The following GSTO2 variants were observed in gnomAD, a reference collection of about 807,000 sequenced individuals.
GSTO2 encodes glutathione S-transferase omega-2.
In GSTO2, 23 loss-of-function variants were observed where a neutral mutation model predicts 28.4. The ratio of observed to expected loss-of-function variants is 0.81; its 90% CI spans 0.58 to 1.15. The LOEUF is 1.15. Among genes scored for constraint, GSTO2 ranks in the 50% most tolerant of loss-of-function variants. The probability of loss-of-function intolerance (pLI) is 0.00; values close to 1 mark genes in which losing one functional copy is unlikely to be tolerated. For missense variants in GSTO2, 298 were observed against 297.8 expected (o/e 1.00, Z 0.00); for synonymous variants, 109 against 111.0 (o/e 0.98, Z 0.11).
chr10:104,290,358 T>C (rs2012702496), intron 5 of GSTO2, among the ~76,000 whole-genome samples: 1 of 151,716 alleles, frequency 6.6e-6, no homozygotes, highest in South Asian at 2.1e-4. Context: ...ATACAAAAAT[T>C]AGCTGGCATG....
At chr10:104,297,374 G>A (rs1033088360) in intron 5 of GSTO2, 4 of 431,838 alleles carry the variant, frequency 9.3e-6, no homozygotes, top group African/African-American at 2.0e-5. Flanking sequence ...AGGAGGGAAG[G>A]GACAGAGGTG....
chr10:104,272,219 T>C (rs2011438224), intron 1 of GSTO2, among the ~76,000 whole-genome samples: 1 of 132,254 alleles, frequency 7.6e-6, no homozygotes, highest in South Asian at 2.1e-4. Flanking sequence ...AATCTAAAAC[T>C]TTTTTTTAAA....
At position 104,289,250 on chromosome 10, in the gene GSTO2, A is replaced by G. The variant is rs137899729; in HGVS notation, c.469-8328A>G. ...AGTGTCTAGGACTACAGGCACCACTATGCCTGGCTAATTTTGTGTATTTTT... is the reference window on the plus strand; with the variant it reads ...AGTGTCTAGGACTACAGGCACCACTGTGCCTGGCTAATTTTGTGTATTTTT... On this transcript the variant is annotated intron_variant, in intron 5 of 6. Coordinates refer to ENST00000338595, the MANE Select transcript of GSTO2 (RefSeq NM_183239.2). 4.7e-3 allele frequency among the ~76,000 whole-genome samples: 721 copies of G among 152,038 alleles called. 7 individuals are homozygous for G. The highest frequency in any genetic ancestry group is 0.017 in the African/African-American group (693 of 41,464).
chr10:104,275,220 C>G lies in GSTO2; in HGVS notation c.35-6C>G, dbSNP rs750159791. Reference sequence around the variant, plus strand: ...TTCCCTGTCCCCCTCCATCGCTGCTCTGCAGGAAGCCAGCCCCCAGGGCCA... The same window carrying G: ...TTCCCTGTCCCCCTCCATCGCTGCTGTGCAGGAAGCCAGCCCCCAGGGCCA... On this transcript the variant is annotated splice_region_variant and splice_polypyrimidine_tract_variant and intron_variant, in intron 2 of 6. Coordinates refer to ENST00000338595, the MANE Select transcript of GSTO2 (RefSeq NM_183239.2). The G allele has an allele frequency of 4.3e-6, 7 of 1,611,522 alleles. No individual in the cohort carries two copies. The East Asian group carries it at 6.7e-5, about 15-fold the overall frequency.
rs1238226894 is a variant in GSTO2 at position 104,303,090 on chromosome 10, T to A, written c.*3806T>A. 2 of 152,228 alleles carry A rather than the reference T, an allele frequency of 1.3e-5. No individual in the cohort carries two copies. The highest frequency in any genetic ancestry group is 4.8e-5 in the African/African-American group (2 of 41,454). 9.4% of individuals were successfully genotyped at this position (152,228 alleles called of 1,614,324 possible). A position where few individuals can be genotyped will look rare whatever the true frequency, so the allele number is the denominator to read the frequency against. On this transcript the variant is annotated 3_prime_UTR_variant, in exon 7 of 7. Coordinates refer to ENST00000338595, the MANE Select transcript of GSTO2 (RefSeq NM_183239.2). ...AGTATCCATTAGTTATTTTTCCTGA[T>A]CCTCTCCCTCCTCCCACCCTGCACC...
intron 5 of GSTO2, among the ~76,000 whole-genome samples, chr10:104,293,022 A>G (rs999740150): frequency 6.6e-6 from 1 of 152,256 alleles, no homozygotes; most frequent in African/African-American, 2.4e-5. Context: ...AGAAAGAACT[A>G]TTTTAGTAAA....
intron 5 of GSTO2, among the ~76,000 whole-genome samples, chr10:104,288,890 A>G (rs892319972): frequency 4.6e-5 from 7 of 152,224 alleles, no homozygotes; most frequent in African/African-American, 1.7e-4. Flanking sequence ...ATTTGAAAGT[A>G]TTGTGCTATA....
intron 5 of GSTO2, among the ~76,000 whole-genome samples, chr10:104,280,403 G>A (rs939245801): frequency 2.6e-5 from 4 of 152,078 alleles, no homozygotes; most frequent in African/African-American, 9.7e-5. Flanking sequence ...AATGGCAAAT[G>A]GTCATACCCC....
rs1333189997 is a variant in GSTO2, at chr10:104,302,518, C to G, written c.*3234C>G. The G allele has an allele frequency of 6.6e-6, 1 of 152,368 alleles. No homozygotes were observed. The highest frequency in any genetic ancestry group is 1.5e-5 in the Non-Finnish European group (1 of 68,066). The allele number at this position is 152,368 out of a possible 1,614,324, so 9.4% of individuals were successfully genotyped here. ...GAGGAGGGAGCATGATGGGGCAGGG[C>G]TTGTGTGGCTGGGACAGCTGGCTAT... On this transcript the variant is annotated 3_prime_UTR_variant, in exon 7 of 7. Transcript: ENST00000338595.
rs1589859046 is a variant in GSTO2 at position 104,277,761 on chromosome 10, T to A, written c.144-133T>A. On this transcript the variant is annotated intron_variant, in intron 3 of 6. Coordinates refer to ENST00000338595, the MANE Select transcript of GSTO2 (RefSeq NM_183239.2). The stretch of plus-strand genomic sequence containing the variant: ...GAAGATGATGATGTTATGTATTTTA[T>A]ACAAAACTTAAACCTTAAAACACTA... 6 of 626,340 alleles carry A rather than the reference T, an allele frequency of 9.6e-6. No individual in the cohort carries two copies. In the East Asian group the frequency reaches 1.6e-4, roughly 17 times the overall value. The allele number at this position is 626,340 out of a possible 1,614,324, so 38.8% of individuals were successfully genotyped here. A position where few individuals can be genotyped will look rare whatever the true frequency, so the allele number is the denominator to read the frequency against.
chr10:104,287,918 C>G (rs1320584489), intron 5 of GSTO2, among the ~76,000 whole-genome samples: 1 of 134,994 alleles, frequency 7.4e-6, no homozygotes, highest in South Asian at 2.3e-4. Flanking sequence ...GACGGAGTCT[C>G]GCTCTGTCGC....
chr10:104,275,517 G>A (rs941661459), intron 3 of GSTO2, among the ~76,000 whole-genome samples, 183 bp downstream of exon 3: 4 of 152,140 alleles, frequency 2.6e-5, no homozygotes, highest in Admixed American at 2.0e-4. Flanking sequence ...GAAATGCGGA[G>A]CCCTTTTCCG....
chr10:104,295,264 AC>A (rs763260839), intron 5 of GSTO2: 2 of 152,114 alleles, frequency 1.3e-5, no homozygotes, highest in Non-Finnish European at 2.9e-5. Context: ...CACTGGTCAG[AC>A]CCTGCTGTTT....
At chr10:104,289,651 A>T (rs2012660000) in intron 5 of GSTO2, among the ~76,000 whole-genome samples, 1 of 152,182 alleles carries the variant, frequency 6.6e-6, no homozygotes, top group Non-Finnish European at 1.5e-5. Flanking sequence ...TTTACAGGGA[A>T]CTGGGTCATC....
At chr10:104,280,628 A>G (rs1488671080) in intron 5 of GSTO2, among the ~76,000 whole-genome samples, 1 of 152,228 alleles carries the variant, frequency 6.6e-6, no homozygotes, top group East Asian at 1.9e-4. Context: ...TAGATGCTTC[A>G]TTAACCTGGC....
chr10:104,290,734 G>A (rs2012723699), intron 5 of GSTO2, among the ~76,000 whole-genome samples: 3 of 152,186 alleles, frequency 2.0e-5, no homozygotes, highest in African/African-American at 7.2e-5. Flanking sequence ...AGGATAGTTT[G>A]CAGAGGCTAG....
intron 5 of GSTO2, among the ~76,000 whole-genome samples, chr10:104,286,636 T>C (rs188307537): frequency 6.6e-6 from 1 of 152,280 alleles, no homozygotes; most frequent in Admixed American, 6.5e-5. Flanking sequence ...CTTTCACACT[T>C]GGGAACTGAT....
chr10:104,292,495 C>T (rs1438801045), intron 5 of GSTO2, among the ~76,000 whole-genome samples: 7 of 150,688 alleles, frequency 4.6e-5, no homozygotes, highest in Admixed American at 4.0e-4. Context: ...CAGGATCTCA[C>T]TCTGTCACCT....
Position 104,269,198 on chromosome 10 carries a change from T to TGCC in GSTO2, c.-296_-294dup, listed in dbSNP as rs2011258163. 4 of 152,570 alleles carry TGCC rather than the reference T, an allele frequency of 2.6e-5. No individual in the cohort carries two copies. Among genetic ancestry groups the TGCC allele is most frequent in the African/African-American group, 7.2e-5 (3 of 41,476 alleles). The allele number at this position is 152,570 out of a possible 1,614,324, so 9.5% of individuals were successfully genotyped here. ...CTAGGCCCCGCCTCCTTGCTGCTGC[T>TGCC]GCCGCCGCCAATCCTGGTCCGGTTG... On this transcript the variant is annotated 5_prime_UTR_variant, in exon 1 of 7. Transcript: ENST00000338595.
Sources: allele counts gnomAD v4.1 joint callset (sites outside exome capture counted in the v4.1 genomes callset), GRCh38; gene constraint gnomAD v4.1.1; transcripts MANE v1.5; gene names NCBI Gene and HGNC (gene_info 2026-07-23, HGNC 2026-07-21).